WWOX: variants seen among roughly 807,000 people sequenced by gnomAD.
WWOX encodes the protein WW domain containing oxidoreductase.
In WWOX, 69 loss-of-function variants were observed where a neutral mutation model predicts 46.2. The observed-to-expected ratio is 1.49, with a 90% CI of 1.23 to 1.82. WWOX has a LOEUF of 1.82. WWOX is among the 40% of genes most tolerant of loss of function. WWOX has a pLI of 0.00. For missense variants in WWOX, 919 were observed against 542.6 expected, an observed-to-expected ratio of 1.69 and a Z score of -6.89; for synonymous variants, 359 against 202.6, an observed-to-expected ratio of 1.77 and a Z score of -6.56.
At chr16:78,931,289 G>A (rs529780447) in intron 8 of WWOX, among the ~76,000 whole-genome samples, 1 of 152,144 alleles carries the variant, frequency 6.6e-6, no homozygotes, top group Admixed American at 6.5e-5. Flanking sequence ...AATGGTAAGA[G>A]AAACTCCCAA....
At chr16:78,407,540 G>T (rs1384739696) in intron 6 of WWOX, among the ~76,000 whole-genome samples, 1 of 152,124 alleles carries the variant, frequency 6.6e-6, no homozygotes, top group African/African-American at 2.4e-5. Flanking sequence ...CAACCCCATG[G>T]TGGTGTCTAC....
intron 5 of WWOX, among the ~76,000 whole-genome samples, chr16:78,313,013 G>T (rs1345124442): frequency 6.6e-6 from 1 of 151,882 alleles, no homozygotes; most frequent in Non-Finnish European, 1.5e-5. Context: ...TTTCATTCAC[G>T]GGGGCAGATT....
chr16:78,780,532 G>C (rs1189450880), intron 8 of WWOX: 1 of 152,202 alleles, frequency 6.6e-6, no homozygotes, highest in Non-Finnish European at 1.5e-5. Flanking sequence ...AAATATACAA[G>C]ATAAATAGAA....
At chr16:78,309,877 G>C (rs1373021067) in intron 5 of WWOX, among the ~76,000 whole-genome samples, 2 of 152,148 alleles carry the variant, frequency 1.3e-5, no homozygotes, top group Non-Finnish European at 2.9e-5. Flanking sequence ...GTTCTAGTTA[G>C]AGTGTTCTCC....
At chr16:78,591,034 T>C (rs1413105834) in intron 8 of WWOX, among the ~76,000 whole-genome samples, 1 of 152,056 alleles carries the variant, frequency 6.6e-6, no homozygotes, top group Non-Finnish European at 1.5e-5. Flanking sequence ...AGTATGAAAA[T>C]GTGTTATCTG....
intron 8 of WWOX, among the ~76,000 whole-genome samples, chr16:78,463,739 A>C (rs2084008097): frequency 6.6e-6 from 1 of 152,162 alleles, no homozygotes; most frequent in African/African-American, 2.4e-5. Context: ...GGTAATTCTA[A>C]TGCTTACTTC....
At position 78,182,581 on chromosome 16, in the gene WWOX, G is replaced by A. The variant is rs560746025; in HGVS notation, c.516+18292G>A. Among the ~76,000 whole-genome samples, 79 of 151,802 alleles carry A rather than the reference G, an allele frequency of 5.2e-4. 2 individuals are homozygous for A. In the South Asian group the frequency reaches 0.016, roughly 31 times the overall value. ...TCTCCTGCCCTCCCTTCCTTCTTTT[G>A]TTCAGCACATCGCTGTCAACCTTCT... On this transcript the variant is annotated intron_variant, in intron 5 of 8. Coordinates refer to ENST00000566780, the MANE Select transcript of WWOX (RefSeq NM_016373.4).
chr16:78,665,496 G>A (rs780788638), intron 8 of WWOX, among the ~76,000 whole-genome samples: 2 of 152,086 alleles, frequency 1.3e-5, no homozygotes, highest in Non-Finnish European at 2.9e-5. Context: ...GAATCTGGGG[G>A]CAAGAGACGT....
intron 7 of WWOX, among the ~76,000 whole-genome samples, chr16:78,430,556 A>C (rs779458987): frequency 6.6e-6 from 1 of 152,108 alleles, no homozygotes; most frequent in African/African-American, 2.4e-5. Context: ...CATCCCTGCT[A>C]CCATCACCAG....
chr16:79,192,916 G>C lies in WWOX; in HGVS notation c.1057-18692G>C, dbSNP rs531921497. Among the ~76,000 whole-genome samples, 18 of 152,286 alleles carry C rather than the reference G, an allele frequency of 1.2e-4. No individual in the cohort carries two copies. The East Asian group carries it at 3.3e-3, about 28-fold the overall frequency. Reference sequence around the variant, plus strand: ...TGAGGTTAAGGACCTGCTGTCACTGGTACAGTGGTTGAAGAAAAGGTGAAT... The same window carrying C: ...TGAGGTTAAGGACCTGCTGTCACTGCTACAGTGGTTGAAGAAAAGGTGAAT... On this transcript the variant is annotated intron_variant, in intron 8 of 8. Transcript: ENST00000566780.
At chr16:78,814,426 C>G (rs1054434928) in intron 8 of WWOX, among the ~76,000 whole-genome samples, 1 of 151,752 alleles carries the variant, frequency 6.6e-6, no homozygotes, top group African/African-American at 2.4e-5. Context: ...CTTACATCCC[C>G]TAATAAAACC....
intron 8 of WWOX, chr16:78,899,456 G>A (rs1262086886): frequency 1.3e-5 from 2 of 152,114 alleles, no homozygotes; most frequent in African/African-American, 2.4e-5. Flanking sequence ...TGGAAAATGT[G>A]TACGAAGAGC....
At chr16:78,449,281 G>T (rs1412502550) in intron 8 of WWOX, among the ~76,000 whole-genome samples, 1 of 152,318 alleles carries the variant, frequency 6.6e-6, no homozygotes, top group East Asian at 1.9e-4. Flanking sequence ...GAAAGTCACA[G>T]TTCTTTGTAA....
intron 8 of WWOX, among the ~76,000 whole-genome samples, chr16:78,876,086 G>A (rs1481398623): frequency 6.6e-6 from 1 of 152,032 alleles, no homozygotes; most frequent in Non-Finnish European, 1.5e-5. Context: ...CTCTTTTTGT[G>A]CTGAGGAACT....
At chr16:78,482,601 T>A (rs2151449140) in intron 8 of WWOX, among the ~76,000 whole-genome samples, 1 of 152,280 alleles carries the variant, frequency 6.6e-6, no homozygotes, top group East Asian at 1.9e-4. Context: ...GCTTTGCATG[T>A]GATTTCTAAT....
intron 8 of WWOX, among the ~76,000 whole-genome samples, chr16:78,836,511 C>A (rs948955124): frequency 6.6e-6 from 1 of 152,210 alleles, no homozygotes; most frequent in Non-Finnish European, 1.5e-5. Context: ...TCAGACACTT[C>A]TGCCCCTTGC....
chr16:78,720,913 A>T (rs2048674185), intron 8 of WWOX, among the ~76,000 whole-genome samples: 1 of 152,150 alleles, frequency 6.6e-6, no homozygotes, highest in African/African-American at 2.4e-5. Context: ...TTCCTCCCCC[A>T]TCCTCAGGAT....
intron 8 of WWOX, among the ~76,000 whole-genome samples, chr16:78,764,551 T>C (rs761851620): frequency 1.4e-5 from 2 of 141,436 alleles, no homozygotes; most frequent in Non-Finnish European, 3.0e-5. Flanking sequence ...TTGACATTTC[T>C]CCTTTGGCCT....
chr16:78,802,138 T>C (rs2050906690), intron 8 of WWOX, among the ~76,000 whole-genome samples: 1 of 152,168 alleles, frequency 6.6e-6, no homozygotes, highest in Non-Finnish European at 1.5e-5. Flanking sequence ...TCAGACGTGC[T>C]TTTGAAATAT....
Sources: gnomAD v4.1 joint callset for allele counts (sites outside exome capture counted in the v4.1 genomes callset) on GRCh38, gnomAD v4.1.1 for gene constraint, MANE v1.5 for transcripts, NCBI Gene and HGNC (gene_info 2026-07-23, HGNC 2026-07-21) for gene names.